CRIM1: variants seen among roughly 807,000 people sequenced by gnomAD.
CRIM1 encodes cysteine rich transmembrane BMP regulator 1.
In CRIM1, 32 loss-of-function variants were observed where a neutral mutation model predicts 116.4. The ratio of observed to expected loss-of-function variants is 0.27; its 90% confidence interval spans 0.21 to 0.37. The LOEUF (loss-of-function observed/expected upper bound fraction) is 0.37. Among genes scored for constraint, CRIM1 ranks in the 10% least tolerant of loss-of-function variants. The pLI, the probability that CRIM1 is intolerant of heterozygous loss-of-function variation, is 1.00. For synonymous variants in CRIM1, 590 were observed against 509.2 expected (o/e 1.16, Z -2.13); for missense variants, 1,331 against 1,354.8 (o/e 0.98, Z 0.28).
chr2:36,410,679 G>T (rs1447631684), intron 2 of CRIM1, among the ~76,000 whole-genome samples: 1 of 151,694 alleles, frequency 6.6e-6, no homozygotes, highest in Non-Finnish European at 1.5e-5. Flanking sequence ...AACACATTCT[G>T]ATCTTGTTTA....
intron 2 of CRIM1, among the ~76,000 whole-genome samples, chr2:36,427,625 T>C (rs1022806541): frequency 3.9e-5 from 6 of 152,206 alleles, no homozygotes; most frequent in Non-Finnish European, 7.3e-5. Context: ...GCTTCTACTT[T>C]CCTCTGGCTG....
chr2:36,544,213 G>C (rs1218524799), intron 14 of CRIM1, among the ~76,000 whole-genome samples, 163 bp from the exon 15 acceptor site: 1 of 152,196 alleles, frequency 6.6e-6, no homozygotes, highest in Non-Finnish European at 1.5e-5. Flanking sequence ...CAAAGCTCGT[G>C]ATTCTCTAGC....
At chr2:36,486,267 C>G (rs573907346) in intron 7 of CRIM1, among the ~76,000 whole-genome samples, 3 of 152,242 alleles carry the variant, frequency 2.0e-5, no homozygotes, top group African/African-American at 7.2e-5. Flanking sequence ...AATAGTTAAA[C>G]AAGTGTAGAA....
chr2:36,413,706 G>A (rs1309381673), intron 2 of CRIM1, among the ~76,000 whole-genome samples: 28 of 152,258 alleles, frequency 1.8e-4, no homozygotes, highest in Admixed American at 1.6e-3. Context: ...CTTAGTCACC[G>A]TGTTCCAATT....
At position 36,535,778 on chromosome 2, in the gene CRIM1, A is replaced by G. The variant is rs574909395; in HGVS notation, c.2429-1574A>G. ...TGCTTGAGTATTGTCTGCCCTCCTT[A>G]TCCATAACCACAGATTGAAAATATT... On this transcript the variant is annotated intron_variant, in intron 13 of 16. Transcript: ENST00000280527. 7.9e-5 allele frequency among the ~76,000 whole-genome samples: 12 copies of G among 152,312 alleles called. No individual in the cohort carries two copies. In the East Asian group the frequency reaches 2.1e-3, roughly 27 times the overall value.
intron 2 of CRIM1, among the ~76,000 whole-genome samples, chr2:36,408,241 C>G (rs1672958231): frequency 1.3e-5 from 2 of 152,180 alleles, no homozygotes; most frequent in Admixed American, 1.3e-4. Flanking sequence ...CCCAGGATGC[C>G]TAAAAAATGT....
At chr2:36,453,482 A>G (rs1262302509) in intron 4 of CRIM1, among the ~76,000 whole-genome samples, 1 of 152,208 alleles carries the variant, frequency 6.6e-6, no homozygotes, top group East Asian at 1.9e-4. Context: ...TATATATTTC[A>G]TTCTCATCAG....
rs113372122 is a variant in CRIM1, at chr2:36,479,557, A to C, written c.1235A>C (p.His412Pro). The stretch of plus-strand genomic sequence containing the variant: ...TATGCCAATGGCCTGATCCTTGCCC[A>C]CGGAGACCGGTGGCGGGAAGACGAC... ...GCYANGLILA[H>P]GDRWREDDCT... The change falls in exon 7 of 17, where the codon CAC (histidine) becomes CCC (proline). Residue 412 changes from histidine to proline, a missense_variant. Physicochemically the swap from His to Pro is moderately conservative, Grantham distance 77 (BLOSUM62 -2). Around this residue, in one of 3 missense-constraint regions of CRIM1, gnomAD observed 690 missense variants for 676.0 expected, o/e 1.02. Transcript: ENST00000280527. The C allele has an allele frequency of 2.9e-3, 4,726 of 1,614,212 alleles. 6 individuals are homozygous for C. Among genetic ancestry groups the C allele is most frequent in the Non-Finnish European group, 3.7e-3 (4,422 of 1,180,030 alleles).
At chr2:36,419,200 G>A (rs12477836) in intron 2 of CRIM1, among the ~76,000 whole-genome samples, 112,955 of 152,150 alleles carry the variant, frequency 0.74, 43,248 homozygotes, top group East Asian at 0.98. Flanking sequence ...AGTCATAAAG[G>A]AGGCTTTTAT....
intron 2 of CRIM1, among the ~76,000 whole-genome samples, chr2:36,400,104 A>T (rs931626077): frequency 4.6e-5 from 7 of 152,062 alleles, no homozygotes; most frequent in African/African-American, 1.7e-4. Flanking sequence ...AGTCATGGGG[A>T]TTGATGATTA....
At chr2:36,392,225 T>C (rs1286957852) in intron 1 of CRIM1, among the ~76,000 whole-genome samples, 1 of 152,246 alleles carries the variant, frequency 6.6e-6, no homozygotes, top group African/African-American at 2.4e-5. Flanking sequence ...TATATGAATT[T>C]GAATATATTT....
intron 15 of CRIM1, 48 bp downstream of exon 15, chr2:36,544,546 C>G (rs1234493398): frequency 1.5e-6 from 2 of 1,311,372 alleles, no homozygotes. Context: ...ATGTGGTCTA[C>G]TTAGGTGTTT....
At chr2:36,523,474 A>T (rs1378960411) in intron 13 of CRIM1, among the ~76,000 whole-genome samples, 1 of 152,214 alleles carries the variant, frequency 6.6e-6, no homozygotes, top group East Asian at 1.9e-4. Context: ...CATAAGCCAG[A>T]TGCTGTTCCG....
At chr2:36,468,634 C>T (rs148796495) in intron 5 of CRIM1, among the ~76,000 whole-genome samples, 141 of 152,318 alleles carry the variant, frequency 9.3e-4, no homozygotes, top group African/African-American at 3.1e-3. Context: ...CCTCCACCTT[C>T]GTCAAGAACC....
intron 1 of CRIM1, among the ~76,000 whole-genome samples, chr2:36,377,909 A>G (rs1225902659): frequency 1.3e-5 from 2 of 152,210 alleles, no homozygotes; most frequent in Non-Finnish European, 2.9e-5. Flanking sequence ...CTGGGTGCCT[A>G]TGATTTGTTA....
chr2:36,457,996 A>T (rs1677278484), intron 4 of CRIM1, among the ~76,000 whole-genome samples: 1 of 151,938 alleles, frequency 6.6e-6, no homozygotes, highest in South Asian at 2.1e-4. Context: ...CTAAAGGGCG[A>T]CCTCCCACCC....
chr2:36,501,725 A>T (rs1460831319), intron 8 of CRIM1, among the ~76,000 whole-genome samples: 2 of 149,720 alleles, frequency 1.3e-5, no homozygotes, highest in African/African-American at 5.1e-5. Flanking sequence ...CTTTTTCAAA[A>T]AACTAACAAA....
At chr2:36,363,191 C>A (rs1164096672) in intron 1 of CRIM1, among the ~76,000 whole-genome samples, 1 of 149,184 alleles carries the variant, frequency 6.7e-6, no homozygotes, top group Non-Finnish European at 1.5e-5. Flanking sequence ...CAAAGCAAGA[C>A]CCTGTCTCAA....
At chr2:36,525,877 G>A (rs1665724640) in intron 13 of CRIM1, among the ~76,000 whole-genome samples, 2 of 151,698 alleles carry the variant, frequency 1.3e-5, no homozygotes, top group South Asian at 4.1e-4. Flanking sequence ...AATGAAAAGT[G>A]GTGATTCTAC....
Sources: gnomAD v4.1 joint callset for allele counts (sites outside exome capture counted in the v4.1 genomes callset) on GRCh38, gnomAD v4.1.1 for gene constraint, gnomAD v4.1.1 regional missense constraint, MANE v1.5 for transcripts, NCBI Gene and HGNC (gene_info 2026-07-23, HGNC 2026-07-21) for gene names.